Variants in VCAN observed in about 807,000 individuals in gnomAD.
VCAN encodes the protein versican core protein.
In VCAN, 44 loss-of-function variants were observed where a neutral mutation model predicts 245.5. That is an observed-to-expected ratio of 0.18 (90% CI 0.14 to 0.23). The LOEUF (loss-of-function observed/expected upper bound fraction) is 0.23. VCAN is among the 10% of genes least tolerant of loss of function. The pLI, the probability that VCAN is intolerant of heterozygous loss-of-function variation, is 1.00. For synonymous variants in VCAN, 1,413 were observed against 1,437.0 expected, an observed-to-expected ratio of 0.98 and a Z score of 0.38; for missense variants, 3,793 against 4,057.9, an observed-to-expected ratio of 0.93 and a Z score of 1.77.
intron 1 of VCAN, among the ~76,000 whole-genome samples, chr5:83,474,475 G>T (rs957248420): frequency 2.0e-5 from 3 of 152,228 alleles, no homozygotes; most frequent in Non-Finnish European, 4.4e-5. Context: ...AAGCGGAGGT[G>T]GTCCAGCCCC....
chr5:83,553,269 G>GAT, intron 10 of VCAN, 95 bp from the exon 11 acceptor site: 1 of 1,521,080 alleles, frequency 6.6e-7, no homozygotes, highest in Non-Finnish European at 9.0e-7. Flanking sequence ...ACATTGCACA[G>GAT]ATACTGGCTT....
intron 13 of VCAN, among the ~76,000 whole-genome samples, chr5:83,575,933 A>G (rs757663997): frequency 6.6e-6 from 1 of 152,146 alleles, no homozygotes; most frequent in Non-Finnish European, 1.5e-5. Context: ...ATATTTGTGC[A>G]GTCAATTCTT....
intron 7 of VCAN, among the ~76,000 whole-genome samples, chr5:83,525,494 T>C (rs1457199444): frequency 6.6e-6 from 1 of 152,162 alleles, no homozygotes; most frequent in Non-Finnish European, 1.5e-5. Flanking sequence ...AAACAGGTAT[T>C]TTTAAATCAA....
Position 83,581,930 on chromosome 5 carries a change from A to G in VCAN, c.*1496A>G, listed in dbSNP as rs1580088567. On this transcript the variant is annotated 3_prime_UTR_variant, in exon 15 of 15. Coordinates refer to ENST00000265077, the MANE Select transcript of VCAN (RefSeq NM_004385.5). Reference sequence around the variant, plus strand: ...AGTAGACAAAAAATAAAATGCACATAGAAAAAGAGAAAAAGGGCACAAAGG... The same window carrying G: ...AGTAGACAAAAAATAAAATGCACATGGAAAAAGAGAAAAAGGGCACAAAGG... The G allele has an allele frequency of 6.6e-6, 1 of 151,406 alleles. No homozygotes were observed. Among genetic ancestry groups the G allele is most frequent in the African/African-American group, 2.4e-5 (1 of 41,150 alleles). 9.4% of individuals were successfully genotyped at this position (151,406 alleles called of 1,614,324 possible). A position where few individuals can be genotyped will look rare whatever the true frequency, so the allele number is the denominator to read the frequency against.
At chr5:83,484,458 CATCT>C (rs1205308973) in intron 2 of VCAN, among the ~76,000 whole-genome samples, 1 of 151,762 alleles carries the variant, frequency 6.6e-6, no homozygotes, top group Non-Finnish European at 1.5e-5. Context: ...AAAATCTTTC[CATCT>C]GTTTGCTTAT....
chr5:83,509,852 T>TA (rs1244723707), intron 5 of VCAN, among the ~76,000 whole-genome samples: 1 of 152,224 alleles, frequency 6.6e-6, no homozygotes, highest in African/African-American at 2.4e-5. Flanking sequence ...TATTGTGAGA[T>TA]AAAATGCCTG....
At chr5:83,503,214 T>C (rs565051094) in intron 5 of VCAN, among the ~76,000 whole-genome samples, 34 of 151,372 alleles carry the variant, frequency 2.2e-4, no homozygotes, top group Admixed American at 4.6e-4. Context: ...AAAAAAACGA[T>C]GGAGAGAGAG....
intron 6 of VCAN, among the ~76,000 whole-genome samples, chr5:83,515,329 T>C (rs1186577789): frequency 6.6e-6 from 1 of 152,238 alleles, no homozygotes; most frequent in Non-Finnish European, 1.5e-5. Context: ...TCAAAACTCA[T>C]GATAATCTCT....
intron 1 of VCAN, among the ~76,000 whole-genome samples, chr5:83,472,669 C>T (rs1392472463): frequency 1.3e-5 from 2 of 152,084 alleles, no homozygotes; most frequent in African/African-American, 2.4e-5. Context: ...GCAGGATCCC[C>T]GCCGTGTCTC....
intron 3 of VCAN, among the ~76,000 whole-genome samples, chr5:83,492,300 C>T (rs1745009433): frequency 1.3e-5 from 2 of 152,064 alleles, no homozygotes; most frequent in Admixed American, 6.6e-5. Context: ...GTTGTCCATC[C>T]CAGGAAATTA....
At chr5:83,561,310 T>G (rs1286327537) in intron 12 of VCAN, among the ~76,000 whole-genome samples, 1 of 152,078 alleles carries the variant, frequency 6.6e-6, no homozygotes, top group African/African-American at 2.4e-5. Flanking sequence ...CACAGATTCA[T>G]AAATATCTTA....
chr5:83,486,361 A>G (rs976383409), intron 2 of VCAN, among the ~76,000 whole-genome samples: 8 of 152,214 alleles, frequency 5.3e-5, no homozygotes. Flanking sequence ...GAATAAATAA[A>G]TAAATGCCAC....
At chr5:83,502,316 T>C (rs1440942482) in intron 5 of VCAN, among the ~76,000 whole-genome samples, 1 of 152,208 alleles carries the variant, frequency 6.6e-6, no homozygotes, top group South Asian at 2.1e-4. Flanking sequence ...TGTCAGGGTC[T>C]CCTGGAGTTC....
chr5:83,540,934 C>A lies in VCAN; in HGVS notation c.7931C>A (p.Ala2644Asp), dbSNP rs1282603896. ...ETFEGSADVL[A>D]SYTQATHDES... ...TTTGAGGGCTCTGCTGATGTTCTGG[C>A]TAGCTACACTCAGGCAACACATGAT... The change falls in exon 8 of 15, where the codon GCT becomes GAT. Residue 2644 changes from alanine (A) to aspartate (D), a missense_variant. By Grantham distance (126) the Ala-to-Asp change is moderately radical (BLOSUM62 -2). This residue lies in a region of VCAN where 3,182 missense variants were observed against 3,250.3 expected (regional missense o/e 0.98). Coordinates refer to ENST00000265077, the MANE Select transcript of VCAN (RefSeq NM_004385.5). The A allele has an allele frequency of 6.2e-7, 1 of 1,613,924 alleles. No individual in the cohort carries two copies. The highest frequency in any genetic ancestry group is 1.1e-5 in the South Asian group (1 of 91,068).
In VCAN at chr5:83,520,678, G is replaced by A. The variant is rs1311447421; in HGVS notation, c.2372G>A (p.Gly791Asp). 20 of 1,614,044 alleles carry A rather than the reference G, an allele frequency of 1.2e-5. No homozygotes were observed. The highest frequency in any genetic ancestry group is 1.7e-5 in the Non-Finnish European group (20 of 1,179,984). Residue 791 changes from glycine to aspartate, a missense_variant, in exon 7 of 15, where the codon GGT becomes GAT. Coordinates refer to ENST00000265077, the MANE Select transcript of VCAN (RefSeq NM_004385.5). ...ATTACAACAGTGCTTTTGGCCCATG[G>A]TACTTTAAGTGTTGAAGCAGCCACT... ...ENITTVLLAH[G>D]TLSVEAATVS...
intron 9 of VCAN, 57 bp from the exon 10 acceptor site, chr5:83,547,914 T>G: frequency 1.6e-6 from 2 of 1,250,966 alleles, no homozygotes; most frequent in Non-Finnish European, 2.4e-6. Context: ...TCACACTAAA[T>G]GGAATTCTTT....
At position 83,490,083 on chromosome 5, in the gene VCAN, T is replaced by C. The variant is rs1318231067; in HGVS notation, c.71-15T>C. The C allele has an allele frequency of 6.2e-7, 1 of 1,613,372 alleles. No homozygotes were observed. The highest frequency in any genetic ancestry group is 2.2e-5 in the East Asian group (1 of 44,872). On this transcript the variant is annotated splice_polypyrimidine_tract_variant and intron_variant, in intron 2 of 14. Transcript: ENST00000265077. ...TTTTTAAGATTGTTAATTTGTTATT[T>C]TCTCTTTCCTCTAGTCAAAGTGGGA...
chr5:83,557,200 A>G (rs1305321753), intron 12 of VCAN, among the ~76,000 whole-genome samples: 1 of 152,028 alleles, frequency 6.6e-6, no homozygotes, highest in East Asian at 1.9e-4. Flanking sequence ...TTTTTTTCCT[A>G]CACACTTACC....
intron 13 of VCAN, among the ~76,000 whole-genome samples, chr5:83,572,778 A>G (rs1200090273): frequency 6.6e-6 from 1 of 152,168 alleles, no homozygotes; most frequent in East Asian, 1.9e-4. Flanking sequence ...TAAGATAACA[A>G]TGTGACATTA....
Sources: gnomAD v4.1 joint callset for allele counts (sites outside exome capture counted in the v4.1 genomes callset) on GRCh38, gnomAD v4.1.1 for gene constraint, gnomAD v4.1.1 regional missense constraint, MANE v1.5 for transcripts, NCBI Gene and HGNC (gene_info 2026-07-23, HGNC 2026-07-21) for gene names.